The following CHRM3 variants were observed in gnomAD, a reference collection of about 807,000 sequenced individuals.
The protein encoded by CHRM3 is muscarinic acetylcholine receptor M3.
A neutral mutation model predicts 41.8 loss-of-function variants in CHRM3; 11 were observed. The observed-to-expected ratio is 0.26, with a 90% confidence interval of 0.17 to 0.44. The LOEUF is 0.44. CHRM3 is among the 20% of genes least tolerant of loss of function. The pLI, the probability that CHRM3 is intolerant of heterozygous loss-of-function variation, is 1.00. For missense variants in CHRM3, 571 were observed against 745.4 expected (o/e 0.77, Z 2.72); for synonymous variants, 297 against 301.4 (o/e 0.99, Z 0.15).
At chr1:239,597,285 T>G (rs1265898774) in intron 3 of CHRM3, among the ~76,000 whole-genome samples, 1 of 152,172 alleles carries the variant, frequency 6.6e-6, no homozygotes, top group Non-Finnish European at 1.5e-5. Flanking sequence ...GCCTTTTCAT[T>G]TTTCGTGTTA....
chr1:239,649,078 A>G (rs1458439489), intron 4 of CHRM3, among the ~76,000 whole-genome samples: 1 of 152,182 alleles, frequency 6.6e-6, no homozygotes, highest in African/African-American at 2.4e-5. Flanking sequence ...AGTGTTTATT[A>G]TAGAAATGTT....
At chr1:239,835,186 T>C (rs943427736) in intron 6 of CHRM3, among the ~76,000 whole-genome samples, 1 of 152,140 alleles carries the variant, frequency 6.6e-6, no homozygotes, top group Non-Finnish European at 1.5e-5. Flanking sequence ...CACATGGAGG[T>C]CTCGCTGGCC....
At chr1:239,478,553 T>A (rs142983829) in intron 1 of CHRM3, among the ~76,000 whole-genome samples, 2 of 152,260 alleles carry the variant, frequency 1.3e-5, no homozygotes, top group African/African-American at 4.8e-5. Flanking sequence ...ATGTGTGACA[T>A]TTCAGCAGAG....
At chr1:239,571,535 A>C (rs1661827929) in intron 3 of CHRM3, among the ~76,000 whole-genome samples, 1 of 152,130 alleles carries the variant, frequency 6.6e-6, no homozygotes, top group Non-Finnish European at 1.5e-5. Flanking sequence ...CCCATTAGGG[A>C]CACTGACCTG....
At chr1:239,798,059 A>T (rs11590515) in intron 5 of CHRM3, among the ~76,000 whole-genome samples, 15,552 of 152,132 alleles carry the variant, frequency 0.1, 1,082 homozygotes, top group East Asian at 0.4. Context: ...TACAAAAAAA[A>T]ATGTCAAAAC....
At chr1:239,455,617 A>G (rs1373553086) in intron 1 of CHRM3, among the ~76,000 whole-genome samples, 1 of 152,198 alleles carries the variant, frequency 6.6e-6, no homozygotes, top group Admixed American at 6.5e-5. Context: ...TTACAGATAG[A>G]AAAAAGCTTA....
intron 5 of CHRM3, among the ~76,000 whole-genome samples, chr1:239,684,463 G>A (rs1203510174): frequency 6.6e-6 from 1 of 151,968 alleles, no homozygotes; most frequent in Non-Finnish European, 1.5e-5. Flanking sequence ...GGAGGCCGAG[G>A]AGTGCGGATC....
intron 6 of CHRM3, among the ~76,000 whole-genome samples, chr1:239,870,935 A>G (rs886469184): frequency 6.6e-6 from 1 of 151,932 alleles, no homozygotes; most frequent in Non-Finnish European, 1.5e-5. Flanking sequence ...AAAACGATAA[A>G]CTACAGAGGC....
chr1:239,475,393 C>T (rs1176691907), intron 1 of CHRM3, among the ~76,000 whole-genome samples: 2 of 152,056 alleles, frequency 1.3e-5, no homozygotes, highest in Non-Finnish European at 2.9e-5. Flanking sequence ...TCCTCAAAAT[C>T]CATAACCCCA....
intron 6 of CHRM3, among the ~76,000 whole-genome samples, chr1:239,874,407 T>A (rs1430189655): frequency 6.8e-6 from 1 of 147,118 alleles, no homozygotes; most frequent in Non-Finnish European, 1.5e-5. Flanking sequence ...CAAACGCAAA[T>A]GGAAAATCCA....
At chr1:239,653,547 C>T (rs1672433374) in intron 4 of CHRM3, among the ~76,000 whole-genome samples, 1 of 152,046 alleles carries the variant, frequency 6.6e-6, no homozygotes, top group Admixed American at 6.6e-5. Context: ...GGAAGGTGGT[C>T]GTCTCTTCAG....
intron 3 of CHRM3, among the ~76,000 whole-genome samples, chr1:239,618,334 A>G (rs555066247): frequency 1.3e-3 from 195 of 145,408 alleles, no homozygotes; most frequent in South Asian, 3.1e-3. Flanking sequence ...GGAAACTAGA[A>G]GCCCAAATGG....
At chr1:239,834,760 T>C (rs1673176320) in intron 6 of CHRM3, among the ~76,000 whole-genome samples, 1 of 152,112 alleles carries the variant, frequency 6.6e-6, no homozygotes, top group Admixed American at 6.6e-5. Context: ...TACGGCTGCC[T>C]CCACCAACTA....
Position 239,612,970 on chromosome 1 carries a change from A to G in CHRM3, c.-312-19254A>G, listed in dbSNP as rs150067643. ...ACTCCCCTAACTATGGAGTTATTCT[A>G]AGAATTTCATGAGGTAATTAATGAA... On this transcript the variant is annotated intron_variant, in intron 3 of 6. Transcript: ENST00000676153. Among the ~76,000 whole-genome samples the G allele has an allele frequency of 2.3e-3, 346 of 152,322 alleles. 3 individuals carry two copies. Among genetic ancestry groups the G allele is most frequent in the African/African-American group, 8.1e-3 (338 of 41,580 alleles).
chr1:239,585,590 T>G (rs1333965578), intron 3 of CHRM3, among the ~76,000 whole-genome samples: 1 of 152,190 alleles, frequency 6.6e-6, no homozygotes, highest in Non-Finnish European at 1.5e-5. Flanking sequence ...CCCAGCTGAA[T>G]GGTCCAGTGT....
chr1:239,404,294 AAAAG>A (rs1660258986), intron 1 of CHRM3, among the ~76,000 whole-genome samples: 1 of 149,164 alleles, frequency 6.7e-6, no homozygotes, highest in Non-Finnish European at 1.5e-5. Flanking sequence ...GTCTCAAAAA[AAAAG>A]AAAGGAGAGA....
intron 1 of CHRM3, among the ~76,000 whole-genome samples, chr1:239,389,585 G>A (rs1283326026): frequency 1.3e-5 from 2 of 152,016 alleles, no homozygotes; most frequent in Non-Finnish European, 2.9e-5. Context: ...GTTGAAAGAG[G>A]GCATGGAAAA....
At chr1:239,823,003 G>A (rs1417125444) in intron 5 of CHRM3, among the ~76,000 whole-genome samples, 1 of 152,130 alleles carries the variant, frequency 6.6e-6, no homozygotes, top group East Asian at 1.9e-4. Flanking sequence ...AAAGAAAGAC[G>A]TTAATAGAAA....
chr1:239,676,807 C>T (rs1867265), intron 4 of CHRM3, among the ~76,000 whole-genome samples: 49,634 of 152,006 alleles, frequency 0.33, 8,538 homozygotes, highest in Middle Eastern at 0.49. Context: ...GATTTCGGGA[C>T]GAGTTTCAAA....
Sources: allele counts gnomAD v4.1 joint callset (sites outside exome capture counted in the v4.1 genomes callset), GRCh38; gene constraint gnomAD v4.1.1; transcripts MANE v1.5; gene names NCBI Gene and HGNC (gene_info 2026-07-23, HGNC 2026-07-21).